PARD3B: variants seen among roughly 807,000 people sequenced by gnomAD.
The protein encoded by PARD3B is partitioning defective 3 homolog B.
A neutral mutation model predicts 130.2 loss-of-function variants in PARD3B; 103 were observed. The observed-to-expected ratio is 0.79, with a 90% confidence interval of 0.67 to 0.93. The LOEUF (loss-of-function observed/expected upper bound fraction) is 0.93, where lower values mean the gene tolerates loss of function less well. Among genes scored for constraint, PARD3B ranks in the 40% least tolerant of loss-of-function variants. The pLI is 0.00. For missense variants in PARD3B, 1,609 were observed against 1,499.2 expected (o/e 1.07, Z -1.21); for synonymous variants, 583 against 553.2 (o/e 1.05, Z -0.76).
chr2:205,601,252 A>T (rs1393086512), intron 22 of PARD3B, among the ~76,000 whole-genome samples: 2 of 152,222 alleles, frequency 1.3e-5, no homozygotes, highest in Non-Finnish European at 2.9e-5. Flanking sequence ...TCTAACAATC[A>T]ATGACGTTGA....
At chr2:204,855,270 C>T (rs927196210) in intron 2 of PARD3B, among the ~76,000 whole-genome samples, 15 of 152,078 alleles carry the variant, frequency 9.9e-5, no homozygotes, top group Non-Finnish European at 1.6e-4. Flanking sequence ...ATCTGCCGGG[C>T]GTGGTGGCTC....
chr2:204,860,420 T>C lies in PARD3B; in HGVS notation c.223-104732T>C, dbSNP rs535127286. On this transcript the variant is annotated intron_variant, in intron 2 of 22. Coordinates refer to ENST00000406610, the MANE Select transcript of PARD3B (RefSeq NM_001302769.2). Reference sequence around the variant, plus strand: ...GTGGCCTGGACGCTGAAGCAGAGCTTGGCAGATGGTACCGCAGGATGGAGA... The same window carrying C: ...GTGGCCTGGACGCTGAAGCAGAGCTCGGCAGATGGTACCGCAGGATGGAGA... Among the ~76,000 whole-genome samples the C allele has an allele frequency of 2.6e-3, 398 of 152,324 alleles. 2 individuals are homozygous for C. Among genetic ancestry groups the C allele is most frequent in the African/African-American group, 9.3e-3 (385 of 41,584 alleles).
chr2:205,212,437 T>A (rs1297438300), intron 15 of PARD3B, among the ~76,000 whole-genome samples: 1 of 152,100 alleles, frequency 6.6e-6, no homozygotes, highest in Non-Finnish European at 1.5e-5. Context: ...TTGAGGAATG[T>A]CCTTAGCAAA....
intron 2 of PARD3B, among the ~76,000 whole-genome samples, chr2:204,784,939 A>G (rs1342098253): frequency 2.6e-5 from 4 of 152,188 alleles, no homozygotes; most frequent in Admixed American, 6.5e-5. Context: ...TCTTGTGTTA[A>G]GAGTTCAGTC....
intron 16 of PARD3B, among the ~76,000 whole-genome samples, chr2:205,260,742 A>AT (rs985883408): frequency 7.0e-4 from 107 of 152,092 alleles, no homozygotes; most frequent in African/African-American, 2.4e-3. Context: ...GAATATGGTG[A>AT]TTTTTTTTAA....
intron 1 of PARD3B, among the ~76,000 whole-genome samples, chr2:204,685,280 G>C (rs2037021156): frequency 6.6e-6 from 1 of 151,982 alleles, no homozygotes; most frequent in Non-Finnish European, 1.5e-5. Flanking sequence ...CCACTTTGAG[G>C]GGCTTTCTAA....
chr2:204,747,487 G>A (rs951646551), intron 2 of PARD3B, among the ~76,000 whole-genome samples: 13 of 152,230 alleles, frequency 8.5e-5, no homozygotes, highest in Admixed American at 6.5e-4. Flanking sequence ...AATCAGTATC[G>A]TGAAAATGGC....
intron 15 of PARD3B, among the ~76,000 whole-genome samples, chr2:205,200,467 T>C (rs187922450): frequency 1.3e-5 from 2 of 152,336 alleles, no homozygotes; most frequent in East Asian, 3.9e-4. Context: ...AAAGGCACTC[T>C]TCACAAATTT....
chr2:204,707,252 A>G (rs2125290677), intron 2 of PARD3B, among the ~76,000 whole-genome samples: 1 of 152,290 alleles, frequency 6.6e-6, no homozygotes, highest in South Asian at 2.1e-4. Context: ...CTGCAAATTT[A>G]TTATGGTGGT....
In PARD3B at chr2:205,021,033, G is replaced by A. The variant is rs1269968893; in HGVS notation, c.395-26548G>A. ...AGAGACCTTGCCTCTGAGCATGTCAGCTGAAAAGATGGCAGAGTTCAGAGA... is the reference window on the plus strand; with the variant it reads ...AGAGACCTTGCCTCTGAGCATGTCAACTGAAAAGATGGCAGAGTTCAGAGA... On this transcript the variant is annotated intron_variant, in intron 3 of 22. Transcript: ENST00000406610. The surrounding 1 kb of genome is among the most constrained non-coding windows in gnomAD (Gnocchi z 4.5). Among the ~76,000 whole-genome samples, 2 of 152,146 alleles carry A rather than the reference G, an allele frequency of 1.3e-5. No individual in the cohort carries two copies. The highest frequency in any genetic ancestry group is 4.8e-5 in the African/African-American group (2 of 41,444).
At chr2:205,588,977 A>G (rs2054290552) in intron 22 of PARD3B, among the ~76,000 whole-genome samples, 1 of 152,184 alleles carries the variant, frequency 6.6e-6, no homozygotes, top group South Asian at 2.1e-4. Context: ...TGGGCCACAG[A>G]ATAGTCTGCC....
intron 1 of PARD3B, among the ~76,000 whole-genome samples, chr2:204,612,178 C>T (rs1160116064): frequency 3.3e-5 from 5 of 152,334 alleles, no homozygotes; most frequent in African/African-American, 9.6e-5. Context: ...ATGTTGTAGA[C>T]ACTGGGATGT....
intron 4 of PARD3B, among the ~76,000 whole-genome samples, chr2:205,095,429 ACTT>A (rs1702338286): frequency 1.3e-5 from 2 of 152,144 alleles, no homozygotes; most frequent in Non-Finnish European, 2.9e-5. Flanking sequence ...ACTTTGTTGA[ACTT>A]CTAAACTTCT....
intron 1 of PARD3B, among the ~76,000 whole-genome samples, chr2:204,563,610 A>G (rs1215734633): frequency 6.6e-6 from 1 of 152,050 alleles, no homozygotes; most frequent in Non-Finnish European, 1.5e-5. Context: ...ATCATTCTGT[A>G]TTATTGAGAA....
intron 4 of PARD3B, among the ~76,000 whole-genome samples, chr2:205,054,103 C>G (rs970044726): frequency 1.3e-5 from 2 of 151,762 alleles, no homozygotes; most frequent in Admixed American, 1.3e-4. Context: ...GTTTAGGCAG[C>G]TTAATTTTTA....
At chr2:204,959,421 T>G (rs779883638) in intron 2 of PARD3B, among the ~76,000 whole-genome samples, 1 of 152,210 alleles carries the variant, frequency 6.6e-6, no homozygotes, top group African/African-American at 2.4e-5. Flanking sequence ...CTATTGTAAA[T>G]AGTGCTGCAA....
rs1703103747 is a variant in PARD3B at position 205,105,019 on chromosome 2, T to A, written c.593+505T>A. Among the ~76,000 whole-genome samples the A allele has an allele frequency of 6.6e-6, 1 of 152,224 alleles. No individual in the cohort carries two copies. Among genetic ancestry groups the A allele is most frequent in the South Asian group, 2.1e-4 (1 of 4,836 alleles). On this transcript the variant is annotated intron_variant, in intron 5 of 22. Coordinates refer to ENST00000406610, the MANE Select transcript of PARD3B (RefSeq NM_001302769.2). The surrounding 1 kb of genome is among the most constrained non-coding windows in gnomAD (Gnocchi z 4.0). ...TTCTTAATGAAGGCAACTCATTTGC[T>A]GTCAGTGGCTGCCATGTTTCCCAGT...
At chr2:205,104,345 T>C (rs2125575391) in intron 4 of PARD3B, 81 bp from the exon 5 acceptor site, 2 of 1,016,878 alleles carry the variant, frequency 2.0e-6, no homozygotes, top group South Asian at 2.7e-5. Context: ...AGCGGTTTAC[T>C]CTCCCATATT....
intron 1 of PARD3B, among the ~76,000 whole-genome samples, chr2:204,604,942 C>T (rs2033654209): frequency 6.6e-6 from 1 of 152,132 alleles, no homozygotes; most frequent in African/African-American, 2.4e-5. Flanking sequence ...AGTGGCTTAA[C>T]TCACATGCCT....
Sources: gnomAD v4.1 joint callset for allele counts (sites outside exome capture counted in the v4.1 genomes callset) on GRCh38, gnomAD v4.1.1 for gene constraint, Gnocchi (gnomAD v3.1) non-coding constraint, MANE v1.5 for transcripts, NCBI Gene and HGNC (gene_info 2026-07-23, HGNC 2026-07-21) for gene names.